Variants in UNC5D observed in about 807,000 individuals in gnomAD.
The protein encoded by UNC5D is unc-5 netrin receptor D.
UNC5D carries 39 observed loss-of-function variants against 105.4 expected under a neutral mutation model. That is an observed-to-expected ratio of 0.37 (90% CI 0.29 to 0.48). The LOEUF is 0.48. Among genes scored for constraint, UNC5D ranks in the 20% least tolerant of loss-of-function variants. The probability of loss-of-function intolerance (pLI) is 0.98; values close to 1 mark genes in which losing one functional copy is unlikely to be tolerated. For synonymous variants in UNC5D, 452 were observed against 450.4 expected (o/e 1.00, Z -0.04); for missense variants, 991 against 1,202.4 (o/e 0.82, Z 2.60).
chr8:35,498,079 C>CAAAAAAAAAAAA (rs141361517), intron 1 of UNC5D, among the ~76,000 whole-genome samples: 7 of 59,414 alleles, frequency 1.2e-4, no homozygotes, highest in African/African-American at 2.2e-4. Flanking sequence ...CAAAACAAAA[C>CAAAAAAAAAAAA]AAAACAAAAA....
intron 3 of UNC5D, among the ~76,000 whole-genome samples, chr8:35,593,602 T>A (rs1819311529): frequency 6.6e-6 from 1 of 151,794 alleles, no homozygotes; most frequent in African/African-American, 2.4e-5. Flanking sequence ...CTACAGAAAA[T>A]TTTTTAAAAA....
chr8:35,475,853 G>T (rs893961626), intron 1 of UNC5D, among the ~76,000 whole-genome samples: 1 of 152,154 alleles, frequency 6.6e-6, no homozygotes, highest in African/African-American at 2.4e-5. Context: ...GTTAAACTCA[G>T]AGTAGAATCA....
intron 4 of UNC5D, among the ~76,000 whole-genome samples, chr8:35,620,984 G>A (rs906271763): frequency 6.6e-6 from 1 of 152,080 alleles, no homozygotes; most frequent in Non-Finnish European, 1.5e-5. Flanking sequence ...CTTTATTCTG[G>A]GGAGCTTTCC....
rs577754059 is a variant in UNC5D, at chr8:35,598,869, G to A, written c.570+3212G>A. Among the ~76,000 whole-genome samples the A allele has an allele frequency of 4.6e-5, 7 of 152,244 alleles. No homozygotes were observed. The East Asian group carries it at 1.4e-3, about 29-fold the overall frequency. ...CTAAAAAAGCTGAAGTTGGCCGGGT[G>A]CAATGGCTCATGCCTGTAATCCCAG... On this transcript the variant is annotated intron_variant, in intron 4 of 16. Transcript: ENST00000404895.
chr8:35,589,472 A>G (rs1819017492), intron 3 of UNC5D, among the ~76,000 whole-genome samples: 1 of 150,540 alleles, frequency 6.6e-6, no homozygotes, highest in South Asian at 2.1e-4. Context: ...AATTCTTTTT[A>G]ATAATAACTG....
chr8:35,354,166 T>G (rs189160836), intron 1 of UNC5D, among the ~76,000 whole-genome samples: 1 of 152,278 alleles, frequency 6.6e-6, no homozygotes, highest in East Asian at 1.9e-4. Flanking sequence ...ATATTGCTAT[T>G]TTTTTCACTT....
chr8:35,452,823 A>G (rs927583667), intron 1 of UNC5D, among the ~76,000 whole-genome samples: 1 of 152,210 alleles, frequency 6.6e-6, no homozygotes, highest in Non-Finnish European at 1.5e-5. Flanking sequence ...TTTATGTGAA[A>G]GGTTTCTAAT....
chr8:35,646,932 G>C (rs1353637832), intron 4 of UNC5D, among the ~76,000 whole-genome samples: 2 of 152,094 alleles, frequency 1.3e-5, no homozygotes, highest in Non-Finnish European at 2.9e-5. Flanking sequence ...TTACTTGCTT[G>C]TGGTTAGTAT....
intron 1 of UNC5D, among the ~76,000 whole-genome samples, chr8:35,261,712 CA>C (rs1199537728): frequency 6.6e-6 from 1 of 151,518 alleles, no homozygotes; most frequent in African/African-American, 2.4e-5. Flanking sequence ...ATACTGAAAG[CA>C]AAAAATGGTT....
chr8:35,409,795 C>A (rs141464729), intron 1 of UNC5D, among the ~76,000 whole-genome samples: 1 of 151,930 alleles, frequency 6.6e-6, no homozygotes, highest in African/African-American at 2.4e-5. Context: ...ACATCTAAAC[C>A]CATCATCACC....
At chr8:35,643,924 A>G (rs1407225513) in intron 4 of UNC5D, among the ~76,000 whole-genome samples, 2 of 152,102 alleles carry the variant, frequency 1.3e-5, no homozygotes, top group Non-Finnish European at 1.5e-5. Context: ...TTATCCTCCA[A>G]GCTGAGATGA....
At chr8:35,728,071 T>TAAAAAAA (rs71215643) in intron 10 of UNC5D, among the ~76,000 whole-genome samples, 12 of 41,042 alleles carry the variant, frequency 2.9e-4, no homozygotes, top group African/African-American at 1.1e-3. Context: ...TTGCTGTCTC[T>TAAAAAAA]AAAAAAAAAA....
At chr8:35,441,682 AATG>A (rs1397298790) in intron 1 of UNC5D, among the ~76,000 whole-genome samples, 2 of 151,854 alleles carry the variant, frequency 1.3e-5, no homozygotes, top group African/African-American at 2.4e-5. Flanking sequence ...ATTTTGGTAT[AATG>A]AAACTGAAGT....
chr8:35,764,932 A>G (rs1801698556), intron 14 of UNC5D, among the ~76,000 whole-genome samples: 1 of 152,250 alleles, frequency 6.6e-6, no homozygotes, highest in Non-Finnish European at 1.5e-5. Flanking sequence ...AGACATTTCA[A>G]CCAAGGGGAA....
intron 1 of UNC5D, among the ~76,000 whole-genome samples, chr8:35,272,557 T>C (rs2128837731): frequency 6.6e-6 from 1 of 152,266 alleles, no homozygotes; most frequent in Non-Finnish European, 1.5e-5. Context: ...CCTGCTTTCA[T>C]CCCCAATGTC....
At chr8:35,646,923 T>G (rs1296852159) in intron 4 of UNC5D, among the ~76,000 whole-genome samples, 1 of 152,158 alleles carries the variant, frequency 6.6e-6, no homozygotes. Flanking sequence ...ACTCAATGAT[T>G]ACTTGCTTGT....
chr8:35,456,574 G>A (rs1808510671), intron 1 of UNC5D, among the ~76,000 whole-genome samples: 1 of 152,168 alleles, frequency 6.6e-6, no homozygotes, highest in African/African-American at 2.4e-5. Context: ...CTGAGGGGTA[G>A]GGATCTCCCA....
intron 1 of UNC5D, among the ~76,000 whole-genome samples, chr8:35,337,520 C>T (rs901217101): frequency 6.6e-6 from 1 of 152,156 alleles, no homozygotes; most frequent in African/African-American, 2.4e-5. Context: ...CTTCAGCTTG[C>T]AGTCATCAAG....
intron 1 of UNC5D, among the ~76,000 whole-genome samples, chr8:35,503,345 G>T (rs1032557358): frequency 5.9e-5 from 9 of 152,262 alleles, no homozygotes; most frequent in African/African-American, 2.2e-4. Flanking sequence ...ATGGTGGCAG[G>T]CAAGAGAGAA....
Sources: allele counts gnomAD v4.1 joint callset (sites outside exome capture counted in the v4.1 genomes callset), GRCh38; gene constraint gnomAD v4.1.1; transcripts MANE v1.5; gene names NCBI Gene and HGNC (gene_info 2026-07-23, HGNC 2026-07-21).